The following NTRK3 variants were observed in gnomAD, a reference collection of about 807,000 sequenced individuals.
NTRK3 encodes the protein NT-3 growth factor receptor.
In NTRK3, 24 loss-of-function variants were observed where a neutral mutation model predicts 91.7. The ratio of observed to expected loss-of-function variants is 0.26; its 90% CI spans 0.19 to 0.37. The LOEUF is 0.37. NTRK3 is among the 10% of genes least tolerant of loss of function. The pLI is 1.00. For synonymous variants in NTRK3, 483 were observed against 404.0 expected (o/e 1.20, Z -2.34); for missense variants, 880 against 1,068.9 (o/e 0.82, Z 2.46).
At chr15:87,890,528 G>T (rs1376167417) in intron 17 of NTRK3, among the ~76,000 whole-genome samples, 1 of 151,264 alleles carries the variant, frequency 6.6e-6, no homozygotes, top group Non-Finnish European at 1.5e-5. Context: ...ACCAATGAGA[G>T]GTTTGTTTTG....
chr15:88,140,952 A>T (rs1276816561), intron 6 of NTRK3, among the ~76,000 whole-genome samples: 1 of 152,212 alleles, frequency 6.6e-6, no homozygotes, highest in African/African-American at 2.4e-5. Flanking sequence ...ATAAAAGAAG[A>T]GGAAAAAGCA....
exon 19 of NTRK3, chr15:87,876,244 C>T (rs1211100468): frequency 4.3e-6 from 1 of 232,582 alleles, no homozygotes; most frequent in East Asian, 6.1e-5. Context: ...TCTGTGTTTA[C>T]CCGTAGGTGC....
intron 14 of NTRK3, among the ~76,000 whole-genome samples, chr15:88,032,055 C>G (rs1210949725): frequency 6.6e-6 from 1 of 152,138 alleles, no homozygotes. Flanking sequence ...CTGCTGTGCT[C>G]TCTCTTGATG....
intron 17 of NTRK3, among the ~76,000 whole-genome samples, chr15:87,923,011 G>C (rs896928988): frequency 1.3e-5 from 2 of 152,286 alleles, no homozygotes; most frequent in African/African-American, 2.4e-5. Context: ...AGTTTGCAAG[G>C]AGAATAGAAA....
At chr15:88,031,222 G>T (rs1255735538) in intron 14 of NTRK3, among the ~76,000 whole-genome samples, 1 of 152,236 alleles carries the variant, frequency 6.6e-6, no homozygotes, top group Non-Finnish European at 1.5e-5. Flanking sequence ...TTCCCTAGGA[G>T]CAATGGTTCA....
At chr15:87,862,666 C>G (rs745926564) in exon 19 of NTRK3, 1 of 229,212 alleles carries the variant, frequency 4.4e-6, no homozygotes, top group African/African-American at 2.2e-5. Flanking sequence ...TGGCCAATCA[C>G]AAAGCAATGT....
intron 14 of NTRK3, among the ~76,000 whole-genome samples, chr15:88,015,722 G>A (rs1300235742): frequency 6.6e-6 from 1 of 152,130 alleles, no homozygotes; most frequent in Non-Finnish European, 1.5e-5. Flanking sequence ...CAGCCTCACT[G>A]CATTGACTCT....
chr15:88,146,619 G>A (rs2042912352), intron 6 of NTRK3, among the ~76,000 whole-genome samples: 1 of 152,134 alleles, frequency 6.6e-6, no homozygotes, highest in Non-Finnish European at 1.5e-5. Context: ...TCACTCATTT[G>A]GCCTTCCTTT....
chr15:88,043,180 G>C (rs2079825418), intron 13 of NTRK3, among the ~76,000 whole-genome samples: 1 of 152,160 alleles, frequency 6.6e-6, no homozygotes, highest in Admixed American at 6.5e-5. Flanking sequence ...CATCCTGGAG[G>C]GAAGGCAGAT....
At chr15:88,146,263 A>C (rs1291873758) in intron 6 of NTRK3, among the ~76,000 whole-genome samples, 1 of 152,102 alleles carries the variant, frequency 6.6e-6, no homozygotes, top group Non-Finnish European at 1.5e-5. Flanking sequence ...CTGGGTCTGA[A>C]AAGGTAAGGT....
chr15:87,893,890 T>C (rs987463722), intron 17 of NTRK3, among the ~76,000 whole-genome samples: 1 of 152,172 alleles, frequency 6.6e-6, no homozygotes, highest in Non-Finnish European at 1.5e-5. Context: ...TATTCCCTAA[T>C]CTGCATGGGC....
intron 13 of NTRK3, among the ~76,000 whole-genome samples, chr15:88,038,074 A>G (rs2079227724): frequency 1.3e-5 from 2 of 152,220 alleles, no homozygotes; most frequent in Non-Finnish European, 1.5e-5. Context: ...ATTCTGGTAC[A>G]TTATCTTCCT....
chr15:87,962,138 T>A (rs1228504400), intron 14 of NTRK3, among the ~76,000 whole-genome samples: 1 of 152,202 alleles, frequency 6.6e-6, no homozygotes, highest in Non-Finnish European at 1.5e-5. Context: ...ACAATGCTCC[T>A]CCCACACCCA....
At chr15:88,167,376 C>T (rs2045066219) in intron 5 of NTRK3, among the ~76,000 whole-genome samples, 1 of 152,008 alleles carries the variant, frequency 6.6e-6, no homozygotes, top group Non-Finnish European at 1.5e-5. Context: ...TTGGCAGCAG[C>T]ATAGGAAACA....
chr15:87,912,931 A>ATATATATATATATATATATAT (rs1567099538), intron 17 of NTRK3, among the ~76,000 whole-genome samples: 7 of 36,480 alleles, frequency 1.9e-4, no homozygotes, highest in Non-Finnish European at 2.3e-4. Context: ...AGTAAAAAAA[A>ATATATATATATATATATATAT]ATATATATAT....
intron 13 of NTRK3, among the ~76,000 whole-genome samples, chr15:88,096,512 G>A (rs2049618409): frequency 6.6e-6 from 1 of 152,096 alleles, no homozygotes; most frequent in African/African-American, 2.4e-5. Flanking sequence ...AAAGACAGCA[G>A]GCAGTTCAGC....
chr15:88,110,094 A>G (rs1201645476), intron 13 of NTRK3, among the ~76,000 whole-genome samples: 1 of 152,136 alleles, frequency 6.6e-6, no homozygotes, highest in Non-Finnish European at 1.5e-5. Flanking sequence ...AGCAGAACTG[A>G]GATTCGACCT....
At chr15:88,105,661 T>C (rs1187578952) in intron 13 of NTRK3, among the ~76,000 whole-genome samples, 2 of 152,140 alleles carry the variant, frequency 1.3e-5, no homozygotes, top group Admixed American at 6.5e-5. Context: ...AAGTATTATA[T>C]GTTCATCAAA....
chr15:87,887,670 G>T (rs2065628381), intron 17 of NTRK3, among the ~76,000 whole-genome samples: 1 of 152,164 alleles, frequency 6.6e-6, no homozygotes, highest in African/African-American at 2.4e-5. Context: ...TCTGGGAAAG[G>T]TAGTGGTCAA....
Sources: gnomAD v4.1 joint callset for allele counts (sites outside exome capture counted in the v4.1 genomes callset) on GRCh38, gnomAD v4.1.1 for gene constraint, MANE v1.5 for transcripts, NCBI Gene and HGNC (gene_info 2026-07-23, HGNC 2026-07-21) for gene names.